The following CERS5 variants were observed in gnomAD, a reference collection of about 807,000 sequenced individuals.
CERS5 encodes the protein LAG1 homolog, ceramide synthase 5.
CERS5 carries 37 observed loss-of-function variants against 58.9 expected under a neutral mutation model. The observed-to-expected ratio is 0.63, with a 90% CI of 0.48 to 0.83. The LOEUF (loss-of-function observed/expected upper bound fraction) is 0.83. Among genes scored for constraint, CERS5 ranks in the 40% least tolerant of loss-of-function variants. The probability of loss-of-function intolerance (pLI) is 0.00; values close to 1 mark genes in which losing one functional copy is unlikely to be tolerated. For missense variants in CERS5, 398 were observed against 489.3 expected (o/e 0.81, Z 1.76); for synonymous variants, 147 against 177.8 (o/e 0.83, Z 1.38).
At chr12:50,153,401 T>C (rs1938201262) in intron 1 of CERS5, among the ~76,000 whole-genome samples, 1 of 144,924 alleles carries the variant, frequency 6.9e-6, no homozygotes, top group Non-Finnish European at 1.5e-5. Context: ...TGCCTCAGCC[T>C]CCCGAGTAGC....
chr12:50,167,239 C>A lies in CERS5; in HGVS notation c.59G>T (p.Arg20Leu). Reference sequence around the variant, plus strand: ...GCTCACGTTCTCGGGTAGCCAGAAGCGCTCGCTCCACAGCCAGCCCCACAG... The same window carrying A: ...GCTCACGTTCTCGGGTAGCCAGAAGAGCTCGCTCCACAGCCAGCCCCACAG... The part of the protein sequence containing the change: ...SLLWGWLWSE[R>L]FWLPENVSWA... Residue 20 changes from arginine to leucine, a missense_variant, in exon 1 of 10, where the codon CGC (arginine) becomes CTC (leucine). Physicochemically the swap from Arg to Leu is moderately radical, Grantham distance 102 (BLOSUM62 -2). Around this residue, in one of 3 missense-constraint regions of CERS5, gnomAD observed 328 missense variants for 384.5 expected, o/e 0.85. Transcript: ENST00000317551. 3 of 1,602,032 alleles carry A rather than the reference C, an allele frequency of 1.9e-6. No individual in the cohort carries two copies. The highest frequency in any genetic ancestry group is 2.6e-6 in the Non-Finnish European group (3 of 1,176,406).
intron 4 of CERS5, among the ~76,000 whole-genome samples, chr12:50,140,973 C>A (rs770851340): frequency 6.6e-6 from 1 of 151,650 alleles, no homozygotes; most frequent in East Asian, 1.9e-4. Flanking sequence ...ATTTTGAAAA[C>A]ACAATGATAT....
chr12:50,148,878 TG>T (rs1467171110), intron 1 of CERS5, among the ~76,000 whole-genome samples: 4 of 122,708 alleles, frequency 3.3e-5, no homozygotes, highest in Non-Finnish European at 6.4e-5. Flanking sequence ...GCACTCCAGT[TG>T]GGGTGACGGA....
chr12:50,150,508 T>C (rs58124263), intron 1 of CERS5, among the ~76,000 whole-genome samples: 4,515 of 152,210 alleles, frequency 0.03, 227 homozygotes, highest in African/African-American at 0.1. Flanking sequence ...GGGTATGATA[T>C]ATATATAGAG....
intron 1 of CERS5, among the ~76,000 whole-genome samples, chr12:50,158,477 C>T (rs1030567024): frequency 6.6e-6 from 1 of 152,104 alleles, no homozygotes; most frequent in Non-Finnish European, 1.5e-5. Flanking sequence ...CCTAAGCTTT[C>T]AATAAATAGA....
chr12:50,142,253 T>C (rs1952010022), intron 3 of CERS5, 143 bp from the exon 4 acceptor site: 1 of 620,476 alleles, frequency 1.6e-6, no homozygotes, highest in Non-Finnish European at 2.8e-6. Context: ...ACTACTGTCA[T>C]TTAAAAAGCC....
chr12:50,139,766 C>A (rs552309289), intron 4 of CERS5, among the ~76,000 whole-genome samples: 25 of 152,300 alleles, frequency 1.6e-4, no homozygotes, highest in African/African-American at 5.3e-4. Flanking sequence ...GCACTCCAGC[C>A]TGGGAGACAG....
Position 50,167,354 on chromosome 12 carries a change from C to T in CERS5, c.-57G>A, listed in dbSNP as rs1381457641. 9 of 1,447,826 alleles carry T rather than the reference C, an allele frequency of 6.2e-6. No individual in the cohort carries two copies. The highest frequency in any genetic ancestry group is 2.7e-5 in the East Asian group (1 of 36,426). The allele number at this position is 1,447,826 out of a possible 1,614,324, so 89.7% of individuals were successfully genotyped here. On this transcript the variant is annotated 5_prime_UTR_variant, in exon 1 of 10. Transcript: ENST00000317551. ...AAGCGTCAGCTGCCGCCACAGCCAA[C>T]GGAACCCGCGGGGAGGCGGCCCCAG...
In CERS5 at chr12:50,129,694, T is replaced by G. The variant is rs1210781517; in HGVS notation, c.*851A>C. 1 of 152,076 alleles carries G rather than the reference T, an allele frequency of 6.6e-6. No individual in the cohort carries two copies. Among genetic ancestry groups the G allele is most frequent in the African/African-American group, 2.4e-5 (1 of 41,422 alleles). 9.4% of individuals were successfully genotyped at this position (152,076 alleles called of 1,614,324 possible). A position where few individuals can be genotyped will look rare whatever the true frequency, so the allele number is the denominator to read the frequency against. The stretch of plus-strand genomic sequence containing the variant: ...CCTACCATGCACAGAAAGGAAAAAT[T>G]TGGTGTCCAGGGCCTTCTGAATCAG... On this transcript the variant is annotated 3_prime_UTR_variant, in exon 10 of 10. Coordinates refer to ENST00000317551, the MANE Select transcript of CERS5 (RefSeq NM_147190.5).
chr12:50,166,149 C>G (rs1388103495), intron 1 of CERS5: 1 of 245,268 alleles, frequency 4.1e-6, no homozygotes, highest in Non-Finnish European at 8.3e-6. Flanking sequence ...ATGGCGAAAC[C>G]CCGTCTCTAC....
intron 3 of CERS5, 151 bp downstream of exon 3, chr12:50,142,923 T>C: frequency 1.2e-6 from 1 of 811,084 alleles, no homozygotes; most frequent in East Asian, 2.7e-5. Context: ...GTGTTCCAGT[T>C]CCCTTCTTTC....
chr12:50,163,806 T>C (rs947908900), intron 1 of CERS5, among the ~76,000 whole-genome samples: 2 of 151,886 alleles, frequency 1.3e-5, no homozygotes, highest in African/African-American at 2.4e-5. Context: ...GCATGCACCA[T>C]CACACCCAGC....
At chr12:50,143,812 A>C in intron 2 of CERS5, 140 bp downstream of exon 2, 1 of 616,886 alleles carries the variant, frequency 1.6e-6, no homozygotes, top group Non-Finnish European at 2.9e-6. Context: ...AAAGCTCTCC[A>C]TATAGCTACA....
At chr12:50,148,946 A>ATATATATATATGTGTGTG (rs1420401358) in intron 1 of CERS5, among the ~76,000 whole-genome samples, 4 of 103,146 alleles carry the variant, frequency 3.9e-5, no homozygotes, top group African/African-American at 1.6e-4. Flanking sequence ...ATATATATAT[A>ATATATATATATGTGTGTG]TGTGTGTGTG....
intron 1 of CERS5, among the ~76,000 whole-genome samples, chr12:50,156,969 T>C (rs532424853): frequency 3.2e-4 from 49 of 152,320 alleles, no homozygotes; most frequent in Middle Eastern, 6.8e-3. Context: ...TGCACATGTC[T>C]GTGAGGGTGT....
chr12:50,148,174 A>G lies in CERS5; in HGVS notation c.198-4117T>C, dbSNP rs1952405816. Among the ~76,000 whole-genome samples, 11 of 151,976 alleles carry G rather than the reference A, an allele frequency of 7.2e-5. No individual in the cohort carries two copies. The South Asian group carries it at 2.3e-3, about 32-fold the overall frequency. Reference sequence around the variant, plus strand: ...AAAAGTTAGACAGGTGTGGTAGCTCATGCCTGTGGTCCCAGCAACTTGGGA... The same window carrying G: ...AAAAGTTAGACAGGTGTGGTAGCTCGTGCCTGTGGTCCCAGCAACTTGGGA... On this transcript the variant is annotated intron_variant, in intron 1 of 9. Coordinates refer to ENST00000317551, the MANE Select transcript of CERS5 (RefSeq NM_147190.5).
At chr12:50,142,230 C>A in intron 3 of CERS5, 120 bp from the exon 4 acceptor site, 1 of 667,862 alleles carries the variant, frequency 1.5e-6, no homozygotes, top group Non-Finnish European at 2.6e-6. Flanking sequence ...AGGATCAATT[C>A]CTAGAATAGG....
intron 8 of CERS5, among the ~76,000 whole-genome samples, chr12:50,135,134 A>AC (rs1951570171): frequency 1.5e-5 from 1 of 66,754 alleles, no homozygotes; most frequent in Non-Finnish European, 2.8e-5. Flanking sequence ...GAGGAGAGGG[A>AC]GGGAGAGAGA....
chr12:50,131,778 T>C (rs1200649675), intron 9 of CERS5, among the ~76,000 whole-genome samples: 1 of 152,028 alleles, frequency 6.6e-6, no homozygotes, highest in East Asian at 1.9e-4. Context: ...TAAACTATCC[T>C]GCATATCAAG....
Sources: gnomAD v4.1 joint callset for allele counts (sites outside exome capture counted in the v4.1 genomes callset) on GRCh38, gnomAD v4.1.1 for gene constraint, gnomAD v4.1.1 regional missense constraint, MANE v1.5 for transcripts, NCBI Gene and HGNC (gene_info 2026-07-23, HGNC 2026-07-21) for gene names.